ATP11A: variants seen among roughly 807,000 people sequenced by gnomAD.
ATP11A encodes ATPase phospholipid transporting 11A.
Under a neutral mutation model 154.4 loss-of-function variants are expected in ATP11A, and 81 were observed. The observed-to-expected ratio is 0.52, with a 90% CI of 0.44 to 0.63. The LOEUF (loss-of-function observed/expected upper bound fraction) is 0.63, where lower values mean the gene tolerates loss of function less well. Ranked by LOEUF, ATP11A falls within the 30% of genes least tolerant of loss-of-function variation. The probability of loss-of-function intolerance (pLI) is 0.00; values close to 1 mark genes in which losing one functional copy is unlikely to be tolerated. For missense variants in ATP11A, 1,316 were observed against 1,474.3 expected (o/e 0.89, Z 1.76); for synonymous variants, 623 against 585.9 (o/e 1.06, Z -0.91).
chr13:112,809,899 C>T (rs776843067), intron 4 of ATP11A, among the ~76,000 whole-genome samples: 10 of 152,178 alleles, frequency 6.6e-5, no homozygotes, highest in African/African-American at 1.2e-4. Flanking sequence ...TCGGAGTGCA[C>T]GTGTCTGCGC....
At chr13:112,758,949 G>A (rs530396162) in intron 1 of ATP11A, among the ~76,000 whole-genome samples, 116 of 152,240 alleles carry the variant, frequency 7.6e-4, no homozygotes, top group Non-Finnish European at 1.4e-3. Context: ...CATTTTTTAC[G>A]TTACATTTTC....
intron 8 of ATP11A, 42 bp downstream of exon 8, chr13:112,819,992 T>C: frequency 6.5e-7 from 1 of 1,527,428 alleles, no homozygotes; most frequent in Non-Finnish European, 8.8e-7. Context: ...TCACCTCCCT[T>C]GTTGCGTTAG....
chr13:112,817,327 T>A (rs2078672497), intron 6 of ATP11A, among the ~76,000 whole-genome samples: 1 of 152,220 alleles, frequency 6.6e-6, no homozygotes, highest in Admixed American at 6.5e-5. Context: ...TGCTAGTCTT[T>A]CATAGATAAT....
Position 112,855,193 on chromosome 13 carries a change from G to GT in ATP11A, c.2243+671dup, listed in dbSNP as rs201005181. On this transcript the variant is annotated intron_variant, in intron 19 of 29. Coordinates refer to ENST00000375645, the MANE Select transcript of ATP11A (RefSeq NM_015205.3). ...CAGAACTCCTTTTAGGGATTGGAGGGTTTTTTTTGTTGTTTTTTGTTTTTT... is the reference window on the plus strand; with the variant it reads ...CAGAACTCCTTTTAGGGATTGGAGGGTTTTTTTTTGTTGTTTTTTGTTTTTT... 8.2e-3 allele frequency among the ~76,000 whole-genome samples: 1,240 copies of GT among 152,048 alleles called. 8 individuals are homozygous for GT. Among genetic ancestry groups the GT allele is most frequent in the African/African-American group, 0.018 (727 of 41,482 alleles).
chr13:112,713,880 C>A (rs1888060114), intron 1 of ATP11A, among the ~76,000 whole-genome samples: 1 of 151,810 alleles, frequency 6.6e-6, no homozygotes, highest in Non-Finnish European at 1.5e-5. Context: ...AGCTTCCATT[C>A]CTGGCCCCAG....
chr13:112,770,733 C>CG (rs2077206000), intron 1 of ATP11A, among the ~76,000 whole-genome samples: 1 of 152,216 alleles, frequency 6.6e-6, no homozygotes, highest in South Asian at 2.1e-4. Context: ...CACTGAGAGA[C>CG]GGGGGAGGCA....
chr13:112,853,792 T>C lies in ATP11A; in HGVS notation c.1992-487T>C, dbSNP rs967466902. Among the ~76,000 whole-genome samples, 15 of 152,322 alleles carry C rather than the reference T, an allele frequency of 9.8e-5. No homozygotes were observed. The East Asian group carries it at 2.3e-3, about 24-fold the overall frequency. On this transcript the variant is annotated intron_variant, in intron 18 of 29. Coordinates refer to ENST00000375645, the MANE Select transcript of ATP11A (RefSeq NM_015205.3). ...ATCACTAGTGTTATTCTCAGTATTT[T>C]ATATTATTTAGAGGTACCTGGACCC...
intron 4 of ATP11A, among the ~76,000 whole-genome samples, chr13:112,809,790 G>T (rs1271101363): frequency 6.6e-6 from 1 of 152,190 alleles, no homozygotes; most frequent in Non-Finnish European, 1.5e-5. Flanking sequence ...AGGCACGTTT[G>T]TCATCCCAGG....
chr13:112,803,754 T>G, intron 2 of ATP11A, among the ~76,000 whole-genome samples: 1 of 85,542 alleles, frequency 1.2e-5, no homozygotes, highest in East Asian at 3.9e-4. Flanking sequence ...CCTTCTCTCA[T>G]TCCCCTCCTT....
chr13:112,709,930 C>T (rs1017353567), intron 1 of ATP11A, among the ~76,000 whole-genome samples: 9 of 152,272 alleles, frequency 5.9e-5, no homozygotes, highest in African/African-American at 9.6e-5. Context: ...AGTTAGGCCG[C>T]GCTGCTCCCT....
intron 2 of ATP11A, among the ~76,000 whole-genome samples, chr13:112,799,561 AGGTT>A (rs1428186714): frequency 2.0e-5 from 3 of 152,208 alleles, no homozygotes; most frequent in Non-Finnish European, 2.9e-5. Context: ...GAATGTCACA[AGGTT>A]GATTGATTAG....
At chr13:112,695,865 A>G (rs1263514531) in intron 1 of ATP11A, among the ~76,000 whole-genome samples, 1 of 152,226 alleles carries the variant, frequency 6.6e-6, no homozygotes, top group Non-Finnish European at 1.5e-5. Flanking sequence ...AAATGCTGGT[A>G]AAAATGCTAT....
At chr13:112,694,862 T>C (rs1429109734) in intron 1 of ATP11A, among the ~76,000 whole-genome samples, 1 of 152,124 alleles carries the variant, frequency 6.6e-6, no homozygotes, top group Non-Finnish European at 1.5e-5. Flanking sequence ...AAGAGAAAAA[T>C]AAACATTTTT....
At chr13:112,856,133 A>G (rs2079917139) in intron 20 of ATP11A, 48 bp downstream of exon 20, 2 of 1,564,834 alleles carry the variant, frequency 1.3e-6, no homozygotes, top group African/African-American at 1.4e-5. Flanking sequence ...CGTCCAAAAC[A>G]CTGAAAACCT....
intron 5 of ATP11A, among the ~76,000 whole-genome samples, chr13:112,813,852 G>C (rs151027673): frequency 1.3e-5 from 2 of 151,794 alleles, no homozygotes; most frequent in Non-Finnish European, 2.9e-5. Context: ...GCATATCCTT[G>C]TCAGTAAAAA....
At chr13:112,777,362 G>C (rs2077373757) in intron 1 of ATP11A, among the ~76,000 whole-genome samples, 1 of 152,228 alleles carries the variant, frequency 6.6e-6, no homozygotes, top group African/African-American at 2.4e-5. Flanking sequence ...TCAGGAGTTT[G>C]AGACCAGCCT....
intron 1 of ATP11A, among the ~76,000 whole-genome samples, chr13:112,779,689 G>A (rs1176972663): frequency 1.3e-5 from 2 of 152,026 alleles, no homozygotes; most frequent in African/African-American, 2.4e-5. Flanking sequence ...TGAGGCGGGC[G>A]GATCACCTGA....
intron 1 of ATP11A, among the ~76,000 whole-genome samples, chr13:112,731,705 C>T (rs752032364): frequency 1.3e-5 from 2 of 152,154 alleles, no homozygotes; most frequent in Non-Finnish European, 2.9e-5. Context: ...AGGCCTGTCA[C>T]GTCCTATCCT....
At chr13:112,764,567 G>C (rs1173144865) in intron 1 of ATP11A, among the ~76,000 whole-genome samples, 2 of 152,246 alleles carry the variant, frequency 1.3e-5, no homozygotes, top group South Asian at 2.1e-4. Flanking sequence ...AGAGTCCCAG[G>C]TGGGGCCTGT....
Sources: allele counts gnomAD v4.1 joint callset (sites outside exome capture counted in the v4.1 genomes callset), GRCh38; gene constraint gnomAD v4.1.1; transcripts MANE v1.5; gene names NCBI Gene and HGNC (gene_info 2026-07-23, HGNC 2026-07-21).